Variants in SYNPO2 observed in about 807,000 individuals in gnomAD.
SYNPO2 encodes the protein synaptopodin-2.
SYNPO2 carries 56 observed loss-of-function variants against 85.0 expected under a neutral mutation model. The ratio of observed to expected loss-of-function variants is 0.66; its 90% CI spans 0.53 to 0.82. The LOEUF is 0.82. SYNPO2 is among the 40% of genes least tolerant of loss of function. The probability of loss-of-function intolerance (pLI) is 0.00; values close to 1 mark genes in which losing one functional copy is unlikely to be tolerated. For missense variants in SYNPO2, 1,575 were observed against 1,534.2 expected (o/e 1.03, Z -0.44); for synonymous variants, 602 against 591.1 (o/e 1.02, Z -0.27).
intron 1 of SYNPO2, among the ~76,000 whole-genome samples, chr4:118,993,985 T>C (rs1230614358): frequency 6.6e-6 from 1 of 152,248 alleles, no homozygotes; most frequent in African/African-American, 2.4e-5. Context: ...GTCAGTCCTA[T>C]GCACTGCCCC....
chr4:118,978,346 A>G (rs1323113401), intron 1 of SYNPO2, among the ~76,000 whole-genome samples: 2 of 152,150 alleles, frequency 1.3e-5, no homozygotes, highest in Admixed American at 1.3e-4. Flanking sequence ...CTAGATAATC[A>G]TTTTCTCTAA....
intron 1 of SYNPO2, among the ~76,000 whole-genome samples, chr4:118,892,042 A>G (rs1732395976): frequency 6.6e-6 from 1 of 152,218 alleles, no homozygotes; most frequent in Non-Finnish European, 1.5e-5. Flanking sequence ...TATTAAGAAC[A>G]ATAAAAAATT....
chr4:118,948,870 A>T (rs575834940), intron 1 of SYNPO2, among the ~76,000 whole-genome samples: 1 of 152,288 alleles, frequency 6.6e-6, no homozygotes, highest in African/African-American at 2.4e-5. Context: ...CCCCAATTAT[A>T]TACTTAGTTA....
intron 1 of SYNPO2, among the ~76,000 whole-genome samples, chr4:118,941,044 C>T (rs1734298292): frequency 6.6e-6 from 1 of 152,170 alleles, no homozygotes; most frequent in Admixed American, 6.5e-5. Context: ...TCTCTCTTCC[C>T]TGCTCCAGAG....
chr4:119,060,466 A>G lies in SYNPO2; in HGVS notation c.*2532A>G, dbSNP rs1308508198. 6.6e-6 allele frequency: 1 copy of G among 152,174 alleles called. No homozygotes were observed. The highest frequency in any genetic ancestry group is 2.4e-5 in the African/African-American group (1 of 41,442). 9.4% of individuals were successfully genotyped at this position (152,174 alleles called of 1,614,324 possible). On this transcript the variant is annotated 3_prime_UTR_variant, in exon 5 of 5. Transcript: ENST00000307142. ...GTGTACTGTGGGTATTCTCCAGCAT[A>G]CTTGAAAATGAATAAAGTTAGATTG...
At chr4:118,986,109 C>T (rs904692225) in intron 1 of SYNPO2, among the ~76,000 whole-genome samples, 4 of 152,172 alleles carry the variant, frequency 2.6e-5, no homozygotes, top group African/African-American at 9.7e-5. Flanking sequence ...AAATCCCCAA[C>T]CCCCAGCATA....
At chr4:118,919,768 C>T (rs1282161783) in intron 1 of SYNPO2, among the ~76,000 whole-genome samples, 1 of 152,124 alleles carries the variant, frequency 6.6e-6, no homozygotes, top group Non-Finnish European at 1.5e-5. Flanking sequence ...AGGCAACAGC[C>T]TTAAGGCATA....
chr4:119,041,317 C>T (rs1327254741), intron 4 of SYNPO2, among the ~76,000 whole-genome samples: 2 of 152,152 alleles, frequency 1.3e-5, no homozygotes, highest in African/African-American at 2.4e-5. Context: ...CTAAAAACCC[C>T]TTTGTTCTTT....
intron 1 of SYNPO2, among the ~76,000 whole-genome samples, chr4:118,877,711 C>T (rs1731954738): frequency 6.6e-6 from 1 of 152,020 alleles, no homozygotes; most frequent in African/African-American, 2.4e-5. Context: ...AATAACAGAT[C>T]CTGGTGAGGT....
intron 1 of SYNPO2, among the ~76,000 whole-genome samples, chr4:118,927,799 T>C (rs28656174): frequency 3.3e-5 from 5 of 152,108 alleles, no homozygotes; most frequent in African/African-American, 1.2e-4. Context: ...GATAGATAGA[T>C]AGATAGATAT....
intron 1 of SYNPO2, among the ~76,000 whole-genome samples, chr4:118,856,058 C>T (rs1023097707): frequency 3.9e-5 from 6 of 152,174 alleles, no homozygotes; most frequent in Admixed American, 2.0e-4. Context: ...ATCTATTATA[C>T]TTCTCTTCTA....
At chr4:118,992,603 C>G (rs908807305) in intron 1 of SYNPO2, among the ~76,000 whole-genome samples, 3 of 152,180 alleles carry the variant, frequency 2.0e-5, no homozygotes, top group Non-Finnish European at 4.4e-5. Context: ...CTCAGGGATG[C>G]CTCCAAGGTC....
intron 1 of SYNPO2, among the ~76,000 whole-genome samples, chr4:118,905,251 CTCTT>C (rs1465006512): frequency 6.6e-6 from 1 of 152,170 alleles, no homozygotes; most frequent in Non-Finnish European, 1.5e-5. Context: ...CTCTCTGTTT[CTCTT>C]TCTTATTTGA....
intron 1 of SYNPO2, among the ~76,000 whole-genome samples, chr4:118,970,079 A>G (rs1412141669): frequency 6.6e-6 from 1 of 152,242 alleles, no homozygotes; most frequent in Non-Finnish European, 1.5e-5. Context: ...AATAATCGAC[A>G]TATATGAGCC....
chr4:118,909,465 GGAGA>G (rs1229043556), intron 1 of SYNPO2, among the ~76,000 whole-genome samples: 5 of 152,174 alleles, frequency 3.3e-5, no homozygotes, highest in Non-Finnish European at 7.3e-5. Context: ...ACACTCCAGT[GGAGA>G]GAGAGTACGT....
At chr4:118,901,297 G>T (rs1028982689) in intron 1 of SYNPO2, among the ~76,000 whole-genome samples, 20 of 152,184 alleles carry the variant, frequency 1.3e-4, no homozygotes, top group Admixed American at 7.2e-4. Context: ...CTGCTCAGAT[G>T]TTAGTTTTTA....
intron 4 of SYNPO2, chr4:119,037,249 A>C (rs1448948177): frequency 6.7e-7 from 1 of 1,486,118 alleles, no homozygotes; most frequent in Non-Finnish European, 9.0e-7. Flanking sequence ...CTGCTTTCAC[A>C]TCTCCTATTT....
intron 1 of SYNPO2, among the ~76,000 whole-genome samples, chr4:118,909,836 T>C (rs1733074885): frequency 1.3e-5 from 2 of 152,196 alleles, no homozygotes; most frequent in Non-Finnish European, 2.9e-5. Flanking sequence ...TATCTCTGAC[T>C]CTTGACAGAA....
intron 4 of SYNPO2, chr4:119,032,760 CTGGAATCCTAGCACTT>C (rs1738335291): frequency 1.1e-6 from 1 of 887,852 alleles, no homozygotes. Context: ...TGGTTCATGC[CTGGAATCCTAGCACTT>C]TGGGAGGCTG....
Sources: gnomAD v4.1 joint callset for allele counts (sites outside exome capture counted in the v4.1 genomes callset) on GRCh38, gnomAD v4.1.1 for gene constraint, MANE v1.5 for transcripts, NCBI Gene and HGNC (gene_info 2026-07-23, HGNC 2026-07-21) for gene names.